The following ALDH8A1 variants were observed in gnomAD, a reference collection of about 807,000 sequenced individuals.
ALDH8A1 encodes aldehyde dehydrogenase 8 family member A1.
ALDH8A1 carries 39 observed loss-of-function variants against 43.3 expected under a neutral mutation model. The observed-to-expected ratio is 0.90, with a 90% CI of 0.70 to 1.18. The LOEUF is 1.18. Among genes scored for constraint, ALDH8A1 ranks in the 50% most tolerant of loss-of-function variants. The probability of loss-of-function intolerance (pLI) is 0.00; values close to 1 mark genes in which losing one functional copy is unlikely to be tolerated. For missense variants in ALDH8A1, 605 were observed against 622.6 expected (o/e 0.97, Z 0.30); for synonymous variants, 233 against 243.5 (o/e 0.96, Z 0.40).
rs976172335 is a variant in ALDH8A1 at position 134,918,155 on chromosome 6, C to T, written c.*260G>A. 5 of 475,048 alleles carry T rather than the reference C, an allele frequency of 1.1e-5. No homozygotes were observed. Among genetic ancestry groups the T allele is most frequent in the Non-Finnish European group, 1.9e-5 (5 of 268,970 alleles). 29.4% of individuals were successfully genotyped at this position (475,048 alleles called of 1,614,324 possible). ...GATGATGAAAGAAACACTATGAAAA[C>T]ATAACCTGGGAGGAGCCTGACAACT... On this transcript the variant is annotated 3_prime_UTR_variant, in exon 7 of 7. Coordinates refer to ENST00000265605, the MANE Select transcript of ALDH8A1 (RefSeq NM_022568.4).
At chr6:134,931,556 A>G (rs1284307118) in intron 5 of ALDH8A1, among the ~76,000 whole-genome samples, 2 of 152,152 alleles carry the variant, frequency 1.3e-5, no homozygotes, top group Non-Finnish European at 2.9e-5. Context: ...GTGAGCCACC[A>G]TGCCTGGACC....
rs746757712 is a variant in ALDH8A1 at position 134,942,558 on chromosome 6, G to A, written c.293C>T (p.Thr98Ile). ...AQAESKDQGK[T>I]LALARTMDIP... ...GTCCATGGTTCTTGCCAGTGCTAAG[G>A]TTTTCCCTGTAAGAAGCAAACAACA... The change falls in exon 3 of 7, where the codon ACC (threonine) becomes ATC (isoleucine). Residue 98 changes from threonine (T) to isoleucine (I), a missense_variant. Coordinates refer to ENST00000265605, the MANE Select transcript of ALDH8A1 (RefSeq NM_022568.4). 6.2e-7 allele frequency: 1 copy of A among 1,613,360 alleles called. No homozygotes were observed. The highest frequency in any genetic ancestry group is 1.1e-5 in the South Asian group (1 of 90,956).
At chr6:134,935,618 C>T (rs3817776) in intron 4 of ALDH8A1, among the ~76,000 whole-genome samples, 76,354 of 151,902 alleles carry the variant, frequency 0.5, 19,535 homozygotes, top group Middle Eastern at 0.61. Flanking sequence ...GCCTGACCTA[C>T]GGTAGGTGCA....
intron 1 of ALDH8A1, among the ~76,000 whole-genome samples, chr6:134,944,750 G>A (rs1481060584): frequency 2.6e-5 from 4 of 151,702 alleles, no homozygotes; most frequent in East Asian, 1.9e-4. Flanking sequence ...TTAGTTGGGC[G>A]TTGTGGTGCA....
chr6:134,923,176 A>G (rs1476499164), intron 6 of ALDH8A1, among the ~76,000 whole-genome samples: 1 of 151,986 alleles, frequency 6.6e-6, no homozygotes, highest in Non-Finnish European at 1.5e-5. Context: ...ACAGGCACGC[A>G]CTACCACGCC....
chr6:134,939,006 T>C lies in ALDH8A1; in HGVS notation c.592+260A>G, dbSNP rs1183049841. 2.6e-5 allele frequency among the ~76,000 whole-genome samples: 4 copies of C among 152,164 alleles called. No homozygotes were observed. The East Asian group carries it at 5.8e-4, about 22-fold the overall frequency. On this transcript the variant is annotated intron_variant, in intron 4 of 6. Coordinates refer to ENST00000265605, the MANE Select transcript of ALDH8A1 (RefSeq NM_022568.4). ...GCAGGTGTCTTTGATTTGATGGGGC[T>C]GTTTAAGTCTGCGTCACTATTGTGC... is the stretch of plus-strand genomic sequence containing the variant.
intron 1 of ALDH8A1, among the ~76,000 whole-genome samples, chr6:134,947,513 C>A (rs764200957): frequency 9.2e-5 from 14 of 152,056 alleles, no homozygotes; most frequent in Non-Finnish European, 1.9e-4. Flanking sequence ...ATATAAGGAG[C>A]TTGAGCTTGT....
At chr6:134,926,502 G>A (rs1346278632) in intron 6 of ALDH8A1, among the ~76,000 whole-genome samples, 1 of 152,038 alleles carries the variant, frequency 6.6e-6, no homozygotes, top group Non-Finnish European at 1.5e-5. Context: ...CACCTGGCCA[G>A]GACCCTTCTT....
chr6:134,926,375 A>G (rs1215768656), intron 6 of ALDH8A1, among the ~76,000 whole-genome samples: 1 of 151,788 alleles, frequency 6.6e-6, no homozygotes, highest in African/African-American at 2.4e-5. Context: ...TAATTTTTGT[A>G]TTTTTAGTAG....
At chr6:134,936,960 C>T (rs952713194) in intron 4 of ALDH8A1, among the ~76,000 whole-genome samples, 1 of 152,048 alleles carries the variant, frequency 6.6e-6, no homozygotes, top group African/African-American at 2.4e-5. Flanking sequence ...AAGGAAACCC[C>T]TCAAATGTAG....
At chr6:134,943,696 C>T in intron 2 of ALDH8A1, 123 bp downstream of exon 2, 11 of 1,429,416 alleles carry the variant, frequency 7.7e-6, no homozygotes, top group Non-Finnish European at 1.0e-5. Context: ...GGAGGGTTTG[C>T]TCTCCACTTC....
intron 3 of ALDH8A1, among the ~76,000 whole-genome samples, chr6:134,941,645 C>A (rs758360247): frequency 4.6e-5 from 7 of 152,050 alleles, no homozygotes; most frequent in African/African-American, 1.7e-4. Flanking sequence ...CAATCTTGGC[C>A]TCCCAAAGTG....
Position 134,943,883 on chromosome 6 carries a change from G to C in ALDH8A1, c.222C>G (p.Asn74Lys), listed in dbSNP as rs1446994078. 6.2e-7 allele frequency: 1 copy of C among 1,614,220 alleles called. No individual in the cohort carries two copies. The highest frequency in any genetic ancestry group is 1.1e-5 in the South Asian group (1 of 91,086). ...ACTGCTCCAGCAAATCCGCCACCTG[G>C]TTCAGGACCCGTGAGCGCTCCTGGG... ...RSPQERSRVLNQVADLLEQSL... is the reference protein window; with the variant it reads ...RSPQERSRVLKQVADLLEQSL... Residue 74 changes from asparagine to lysine, a missense_variant, in exon 2 of 7, where the codon AAC (asparagine) becomes AAG (lysine). Transcript: ENST00000265605.
At position 134,949,969 on chromosome 6, in the gene ALDH8A1, C is replaced by T. The variant is rs749557929; in HGVS notation, c.85G>A (p.Asp29Asn). ...LPCSSYIDSY[D>N]PSTGEVYCRV... Reference sequence around the variant, plus strand: ...CAATACACTTCCCCTGTTGATGGGTCGTAAGAATCTATATATGAGCTACAA... The same window carrying T: ...CAATACACTTCCCCTGTTGATGGGTTGTAAGAATCTATATATGAGCTACAA... Residue 29 changes from aspartate (D) to asparagine (N), a missense_variant, in exon 1 of 7, where the codon GAC (aspartate) becomes AAC (asparagine). By Grantham distance (23) the Asp-to-Asn change is conservative (BLOSUM62 1). Transcript: ENST00000265605. 3.7e-6 allele frequency: 6 copies of T among 1,612,586 alleles called. No individual in the cohort carries two copies. Among genetic ancestry groups the T allele is most frequent in the South Asian group, 2.2e-5 (2 of 90,536 alleles).
chr6:134,933,995 C>G (rs1222545451), intron 4 of ALDH8A1, among the ~76,000 whole-genome samples: 1 of 152,176 alleles, frequency 6.6e-6, no homozygotes, highest in Admixed American at 6.5e-5. Context: ...AGGCATGAGC[C>G]ACCGCGCCCA....
At chr6:134,936,016 A>C (rs1169980146) in intron 4 of ALDH8A1, among the ~76,000 whole-genome samples, 1 of 151,606 alleles carries the variant, frequency 6.6e-6, no homozygotes, top group African/African-American at 2.4e-5. Context: ...CAAAGGCGCA[A>C]TCTCTGCTCT....
Position 134,918,655 on chromosome 6 carries a change from C to A in ALDH8A1, c.1224G>T (p.Val408=). The change falls in exon 7 of 7, where the codon GTG becomes GTT. Residue 408 remains valine, a synonymous_variant. Coordinates refer to ENST00000265605, the MANE Select transcript of ALDH8A1 (RefSeq NM_022568.4). ...CVVPFDSEEE[V]IERANNVKYG... ...ACTTAACGTTGTTGGCTCTTTCAAT[C>A]ACCTCCTCTTCACTATCAAAGGGGA... The A allele has an allele frequency of 6.2e-7, 1 of 1,614,170 alleles. No homozygotes were observed. The highest frequency in any genetic ancestry group is 8.5e-7 in the Non-Finnish European group (1 of 1,180,042).
intron 5 of ALDH8A1, among the ~76,000 whole-genome samples, chr6:134,929,918 G>A (rs1388780605): frequency 6.6e-6 from 1 of 152,222 alleles, no homozygotes; most frequent in Non-Finnish European, 1.5e-5. Flanking sequence ...GGAAACAAGT[G>A]TGGGAAGAGA....
At chr6:134,937,447 C>A (rs935602696) in intron 4 of ALDH8A1, among the ~76,000 whole-genome samples, 2 of 152,142 alleles carry the variant, frequency 1.3e-5, no homozygotes, top group Non-Finnish European at 2.9e-5. Flanking sequence ...GAAGTTTCAG[C>A]CCATGGAGGA....
Sources: allele counts gnomAD v4.1 joint callset (sites outside exome capture counted in the v4.1 genomes callset), GRCh38; gene constraint gnomAD v4.1.1; transcripts MANE v1.5; gene names NCBI Gene and HGNC (gene_info 2026-07-23, HGNC 2026-07-21).